Variants in CAPN14 observed in about 807,000 individuals in gnomAD.
CAPN14 encodes the protein calpain-14.
Under a neutral mutation model 101.3 loss-of-function variants are expected in CAPN14, and 94 were observed. The ratio of observed to expected loss-of-function variants is 0.93; its 90% CI spans 0.79 to 1.10. The LOEUF is 1.10. CAPN14 is among the 50% of genes least tolerant of loss of function. CAPN14 has a pLI of 0.00. For synonymous variants in CAPN14, 338 were observed against 317.9 expected, an observed-to-expected ratio of 1.06 and a Z score of -0.67; for missense variants, 837 against 828.4, an observed-to-expected ratio of 1.01 and a Z score of -0.13.
chr2:31,199,827 G>C (rs1017154502), intron 6 of CAPN14, among the ~76,000 whole-genome samples: 7 of 152,142 alleles, frequency 4.6e-5, no homozygotes, highest in Non-Finnish European at 8.8e-5. Context: ...GTGAAGGCAG[G>C]GCTGAACTGA....
At chr2:31,174,770 AT>A in intron 21 of CAPN14, 63 bp from the exon 22 acceptor site, 1 of 1,494,280 alleles carries the variant, frequency 6.7e-7, no homozygotes, top group South Asian at 1.2e-5. Flanking sequence ...GGGCCTCCCC[AT>A]CCCACACTCC....
chr2:31,214,751 A>T (rs1402712189), intron 1 of CAPN14, among the ~76,000 whole-genome samples: 1 of 152,136 alleles, frequency 6.6e-6, no homozygotes, highest in African/African-American at 2.4e-5. Context: ...ATGGGTGTAC[A>T]CCTTGAGTTG....
intron 1 of CAPN14, among the ~76,000 whole-genome samples, chr2:31,215,270 C>T (rs1212978102): frequency 6.7e-6 from 1 of 149,496 alleles, no homozygotes; most frequent in Non-Finnish European, 1.5e-5. Context: ...AAATTCATTC[C>T]TTTTTTTTTT....
chr2:31,200,674 T>C, intron 5 of CAPN14, 49 bp from the exon 6 acceptor site: 1 of 1,473,062 alleles, frequency 6.8e-7, no homozygotes, highest in East Asian at 2.5e-5. Context: ...TCATGAGTAT[T>C]TATAATTTTA....
chr2:31,232,284 T>TC (rs2148712542), intron 1 of CAPN14, among the ~76,000 whole-genome samples: 1 of 152,334 alleles, frequency 6.6e-6, no homozygotes, highest in East Asian at 1.9e-4. Context: ...AGACTGTGCC[T>TC]CACCCTTATG....
chr2:31,201,763 C>G, intron 5 of CAPN14, 99 bp downstream of exon 5: 2 of 1,438,320 alleles, frequency 1.4e-6, no homozygotes, highest in Non-Finnish European at 1.9e-6. Context: ...GCCTCAGGAT[C>G]TCATTTCATA....
chr2:31,228,545 G>T (rs1041287067), intron 1 of CAPN14: 3 of 152,136 alleles, frequency 2.0e-5, no homozygotes, highest in Non-Finnish European at 4.4e-5. Context: ...AGTGAAAGAA[G>T]TTGCTCACTA....
intron 7 of CAPN14, among the ~76,000 whole-genome samples, chr2:31,198,308 TA>T (rs1281648419): frequency 6.6e-6 from 1 of 151,962 alleles, no homozygotes; most frequent in Non-Finnish European, 1.5e-5. Context: ...TCATCTTACA[TA>T]TGTTGATTGA....
At chr2:31,190,112 G>A (rs1192420265) in intron 12 of CAPN14, among the ~76,000 whole-genome samples, 2 of 124,730 alleles carry the variant, frequency 1.6e-5, no homozygotes, top group Non-Finnish European at 3.2e-5. Context: ...GACATTTCTT[G>A]GGTATCTGCT....
At chr2:31,189,624 G>T in intron 12 of CAPN14, 146 bp from the exon 13 acceptor site, 1 of 727,568 alleles carries the variant, frequency 1.4e-6, no homozygotes, top group Non-Finnish European at 2.4e-6. Flanking sequence ...GAAACAAGTG[G>T]GGAGGAAAGG....
chr2:31,221,409 GT>G (rs1682859941), upstream of CAPN14, among the ~76,000 whole-genome samples: 1 of 152,114 alleles, frequency 6.6e-6, no homozygotes, highest in African/African-American at 2.4e-5. Context: ...ACTTGGCATT[GT>G]TTAATGGGTC....
At chr2:31,177,664 T>C in intron 19 of CAPN14, 82 bp downstream of exon 19, 1 of 996,724 alleles carries the variant, frequency 1.0e-6, no homozygotes, top group Non-Finnish European at 1.6e-6. Context: ...TACTTCAGCA[T>C]GCCACACATC....
chr2:31,187,356 C>T (rs1028973783), intron 15 of CAPN14, among the ~76,000 whole-genome samples: 2 of 152,072 alleles, frequency 1.3e-5, no homozygotes, highest in Non-Finnish European at 2.9e-5. Context: ...TCATGGGCCC[C>T]TTCTCCCTGC....
At chr2:31,187,039 A>G (rs927472001) in intron 15 of CAPN14, among the ~76,000 whole-genome samples, 10 of 152,236 alleles carry the variant, frequency 6.6e-5, no homozygotes, top group African/African-American at 2.4e-4. Flanking sequence ...ATTAAACAAA[A>G]TTCCAGATGG....
intron 2 of CAPN14, among the ~76,000 whole-genome samples, chr2:31,203,901 G>A (rs896833478): frequency 1.3e-5 from 2 of 152,180 alleles, no homozygotes; most frequent in Non-Finnish European, 2.9e-5. Context: ...GTTTCAGGGA[G>A]ATGGATTACA....
At chr2:31,181,438 CTTTCTTTT>C (rs1276440291) in intron 16 of CAPN14, among the ~76,000 whole-genome samples, 2 of 131,636 alleles carry the variant, frequency 1.5e-5, no homozygotes, top group African/African-American at 5.7e-5. Context: ...TTCTTTCTTT[CTTTCTTTT>C]TCTTTCTTTT....
chr2:31,199,678 C>A, intron 6 of CAPN14, 146 bp from the exon 7 acceptor site: 2 of 638,060 alleles, frequency 3.1e-6, no homozygotes, highest in Non-Finnish European at 2.7e-6. Flanking sequence ...GTTTTCAAAG[C>A]TCTTTGGTAT....
rs553703919 is a variant in CAPN14, at chr2:31,200,629, G to C, written c.552-4C>G. 5.9e-6 allele frequency: 9 copies of C among 1,537,880 alleles called. 1 individual carries two copies. The Admixed American group carries it at 1.5e-4, about 25-fold the overall frequency. On this transcript the variant is annotated splice_polypyrimidine_tract_variant and splice_region_variant and intron_variant, in intron 5 of 21. Transcript: ENST00000403897. ...GTCTTCATAGGAACCAGAGAGCCTG[G>C]CCAGGGAAGAAATAAACATGAGAGG...
At position 31,193,169 on chromosome 2, in the gene CAPN14, T is replaced by A; in HGVS notation, c.1076A>T (p.Lys359Met). ...TYTMREGRWE[K>M]RSTAGGQRQL... ...CCTCTGGCCACCAGCTGTGCTCCGC[T>A]TCTCCCATCTCCCCTCCCGCATGGT... The change falls in exon 10 of 22, where the codon AAG (lysine) becomes ATG (methionine). Residue 359 changes from lysine (K) to methionine (M), a missense_variant. Lys to Met is a moderately conservative substitution (Grantham distance 95). Coordinates refer to ENST00000403897, the MANE Select transcript of CAPN14 (RefSeq NM_001145122.2). 1 of 1,551,388 alleles carries A rather than the reference T, an allele frequency of 6.4e-7. No homozygotes were observed. The highest frequency in any genetic ancestry group is 8.7e-7 in the Non-Finnish European group (1 of 1,146,966).
Sources: allele counts gnomAD v4.1 joint callset (sites outside exome capture counted in the v4.1 genomes callset), GRCh38; gene constraint gnomAD v4.1.1; transcripts MANE v1.5; gene names NCBI Gene and HGNC (gene_info 2026-07-23, HGNC 2026-07-21).